ADCY8: variants seen among roughly 807,000 people sequenced by gnomAD.
The protein encoded by ADCY8 is adenylate cyclase type 8.
In ADCY8, 51 loss-of-function variants were observed where a neutral mutation model predicts 119.7. That is an observed-to-expected ratio of 0.43 (90% CI 0.34 to 0.54). ADCY8 has a LOEUF of 0.54. Among genes scored for constraint, ADCY8 ranks in the 20% least tolerant of loss-of-function variants. The pLI, the probability that ADCY8 is intolerant of heterozygous loss-of-function variation, is 0.03. For synonymous variants in ADCY8, 665 were observed against 651.0 expected, an observed-to-expected ratio of 1.02 and a Z score of -0.33; for missense variants, 1,383 against 1,598.8, an observed-to-expected ratio of 0.87 and a Z score of 2.30.
Position 131,011,324 on chromosome 8 carries a change from T to C in ADCY8, c.961-20782A>G, listed in dbSNP as rs1215038331. Among the ~76,000 whole-genome samples, 2 of 152,126 alleles carry C rather than the reference T, an allele frequency of 1.3e-5. 1 individual carries two copies. The highest frequency in any genetic ancestry group is 4.8e-5 in the African/African-American group (2 of 41,418). ...CTATAAATATTCACAGATAGGCAAA[T>C]TAGATATGTTTTGAAGACCAGAGTG... On this transcript the variant is annotated intron_variant, in intron 1 of 17. Coordinates refer to ENST00000286355, the MANE Select transcript of ADCY8 (RefSeq NM_001115.3).
intron 8 of ADCY8, among the ~76,000 whole-genome samples, chr8:130,880,459 C>T (rs1365600793): frequency 6.6e-6 from 1 of 152,188 alleles, no homozygotes; most frequent in East Asian, 1.9e-4. Flanking sequence ...CTGACAGACA[C>T]ATTAAGTTTT....
At chr8:130,989,778 G>C (rs536278813) in intron 2 of ADCY8, among the ~76,000 whole-genome samples, 1 of 152,148 alleles carries the variant, frequency 6.6e-6, no homozygotes, top group Non-Finnish European at 1.5e-5. Context: ...CTACTTTTAA[G>C]TTCTTATAAC....
At chr8:130,883,166 T>C (rs1299100976) in intron 8 of ADCY8, among the ~76,000 whole-genome samples, 2 of 152,190 alleles carry the variant, frequency 1.3e-5, no homozygotes, top group African/African-American at 4.8e-5. Context: ...GTGAAGCAAG[T>C]ACATCTTTAG....
chr8:130,937,298 C>T (rs1466130746), intron 4 of ADCY8, 98 bp from the exon 5 acceptor site: 11 of 1,270,722 alleles, frequency 8.7e-6, no homozygotes, highest in Non-Finnish European at 1.1e-5. Flanking sequence ...AGGTGGTCTG[C>T]AACTTGGGGT....
chr8:130,900,597 A>C (rs527950022), intron 7 of ADCY8, among the ~76,000 whole-genome samples: 2 of 152,226 alleles, frequency 1.3e-5, no homozygotes, highest in South Asian at 4.2e-4. Context: ...CCTTCTTAAA[A>C]TGCCATACTC....
chr8:130,811,842 C>A (rs1420410588), intron 14 of ADCY8, among the ~76,000 whole-genome samples: 1 of 152,168 alleles, frequency 6.6e-6, no homozygotes, highest in Non-Finnish European at 1.5e-5. Context: ...CCCCTGTGGG[C>A]CAGTCCATGG....
chr8:130,780,534 A>T lies in ADCY8; in HGVS notation c.3612T>A (p.Asn1204Lys). ...TGAGTAGCTGCTTCTGCCTTTGCCT[A>T]TTGAGGGACTGGACAAGTCCCAGGA... is the stretch of plus-strand genomic sequence containing the variant. ...AVVLGLVQSL[N>K]RQRQKQLLNE... Residue 1204 changes from asparagine to lysine, a missense_variant, in exon 18 of 18, where the codon AAT becomes AAA. Coordinates refer to ENST00000286355, the MANE Select transcript of ADCY8 (RefSeq NM_001115.3). 6.2e-7 allele frequency: 1 copy of T among 1,613,978 alleles called. No individual in the cohort carries two copies. Among genetic ancestry groups the T allele is most frequent in the South Asian group, 1.1e-5 (1 of 91,066 alleles).
intron 1 of ADCY8, among the ~76,000 whole-genome samples, chr8:131,019,424 G>A (rs1414222298): frequency 6.6e-6 from 1 of 152,146 alleles, no homozygotes; most frequent in Non-Finnish European, 1.5e-5. Context: ...CAATTTGGCA[G>A]ATTCTTTGGG....
intron 9 of ADCY8, among the ~76,000 whole-genome samples, chr8:130,862,650 T>C (rs1030200807): frequency 6.6e-6 from 1 of 152,184 alleles, no homozygotes; most frequent in African/African-American, 2.4e-5. Context: ...CCTGACCTCG[T>C]GATCTGCCCG....
At chr8:130,905,184 T>C (rs1285983277) in intron 6 of ADCY8, among the ~76,000 whole-genome samples, 1 of 152,206 alleles carries the variant, frequency 6.6e-6, no homozygotes, top group Non-Finnish European at 1.5e-5. Context: ...TGTAAGTTAT[T>C]AAGAGTATTC....
chr8:130,911,974 C>T (rs1403123697), intron 5 of ADCY8, among the ~76,000 whole-genome samples: 5 of 152,156 alleles, frequency 3.3e-5, no homozygotes, highest in Non-Finnish European at 7.3e-5. Flanking sequence ...CATTAGACTC[C>T]AGCCATCCAA....
At chr8:131,007,595 A>G (rs1461364484) in intron 1 of ADCY8, among the ~76,000 whole-genome samples, 1 of 152,238 alleles carries the variant, frequency 6.6e-6, no homozygotes, top group Non-Finnish European at 1.5e-5. Flanking sequence ...CATACAGTAG[A>G]TGCCCAGTAA....
At chr8:131,029,242 A>C (rs1823919096) in intron 1 of ADCY8, among the ~76,000 whole-genome samples, 1 of 152,246 alleles carries the variant, frequency 6.6e-6, no homozygotes, top group Admixed American at 6.5e-5. Context: ...AGATGGGACC[A>C]TCTAGCTGCA....
intron 1 of ADCY8, among the ~76,000 whole-genome samples, chr8:131,012,985 G>T (rs1823358586): frequency 6.6e-6 from 1 of 152,210 alleles, no homozygotes; most frequent in Non-Finnish European, 1.5e-5. Context: ...CCTCACTAAT[G>T]CAGTTGAATG....
At chr8:131,006,871 C>CT (rs1823135633) in intron 1 of ADCY8, among the ~76,000 whole-genome samples, 1 of 152,148 alleles carries the variant, frequency 6.6e-6, no homozygotes, top group Non-Finnish European at 1.5e-5. Flanking sequence ...TCCATGGAGG[C>CT]TTTGTTCTCA....
intron 5 of ADCY8, among the ~76,000 whole-genome samples, chr8:130,924,799 T>C (rs1820413079): frequency 6.6e-6 from 1 of 152,202 alleles, no homozygotes; most frequent in Non-Finnish European, 1.5e-5. Flanking sequence ...CAGACATACT[T>C]AGTTCTTCAG....
At chr8:131,023,478 G>A (rs774317441) in intron 1 of ADCY8, among the ~76,000 whole-genome samples, 1 of 152,154 alleles carries the variant, frequency 6.6e-6, no homozygotes. Flanking sequence ...AGTGCTGCAG[G>A]AGGAGAGGCA....
intron 7 of ADCY8, among the ~76,000 whole-genome samples, chr8:130,898,821 T>C (rs1182846135): frequency 6.6e-6 from 1 of 152,174 alleles, no homozygotes; most frequent in Non-Finnish European, 1.5e-5. Context: ...TTCTTGAAAA[T>C]CTGAAGTCTA....
intron 14 of ADCY8, among the ~76,000 whole-genome samples, chr8:130,813,719 T>A (rs375192625): frequency 6.1e-4 from 93 of 152,320 alleles, no homozygotes; most frequent in Admixed American, 9.2e-4. Context: ...GAGACCCTTT[T>A]TTCAATTATT....
Sources: allele counts gnomAD v4.1 joint callset (sites outside exome capture counted in the v4.1 genomes callset), GRCh38; gene constraint gnomAD v4.1.1; transcripts MANE v1.5; gene names NCBI Gene and HGNC (gene_info 2026-07-23, HGNC 2026-07-21).